CNOT10: variants seen among roughly 807,000 people sequenced by gnomAD.
CNOT10 encodes CCR4-NOT transcription complex, subunit 10.
A neutral mutation model predicts 94.6 loss-of-function variants in CNOT10; 30 were observed. That is an observed-to-expected ratio of 0.32 (90% CI 0.24 to 0.43). CNOT10 has a LOEUF of 0.43. Among genes scored for constraint, CNOT10 ranks in the 20% least tolerant of loss-of-function variants. The pLI, the probability that CNOT10 is intolerant of heterozygous loss-of-function variation, is 1.00. For synonymous variants in CNOT10, 289 were observed against 301.6 expected, an observed-to-expected ratio of 0.96 and a Z score of 0.43; for missense variants, 759 against 877.2, an observed-to-expected ratio of 0.87 and a Z score of 1.70.
intron 13 of CNOT10, among the ~76,000 whole-genome samples, chr3:32,759,173 AC>A (rs201794289): frequency 0.02 from 2,972 of 151,438 alleles, 49 homozygotes; most frequent in East Asian, 0.047. Flanking sequence ...ATACATATAT[AC>A]ATACATACAT....
chr3:32,740,374 G>A (rs1463916946), intron 13 of CNOT10, among the ~76,000 whole-genome samples: 2 of 152,100 alleles, frequency 1.3e-5, no homozygotes, highest in Non-Finnish European at 2.9e-5. Flanking sequence ...CAGGGGAATC[G>A]CTTCAACCGG....
chr3:32,762,243 C>A (rs1700482698), intron 14 of CNOT10, among the ~76,000 whole-genome samples: 1 of 148,586 alleles, frequency 6.7e-6, no homozygotes, highest in Admixed American at 6.7e-5. Flanking sequence ...ACGGGCGGAT[C>A]ACGAGATCAG....
At chr3:32,715,093 A>G (rs1698060043) in intron 5 of CNOT10, among the ~76,000 whole-genome samples, 1 of 152,188 alleles carries the variant, frequency 6.6e-6, no homozygotes, top group South Asian at 2.1e-4. Flanking sequence ...TTAATTTAGC[A>G]GATGCTTATG....
intron 4 of CNOT10, among the ~76,000 whole-genome samples, chr3:32,711,041 A>G (rs1406249546): frequency 6.6e-6 from 1 of 152,180 alleles, no homozygotes; most frequent in Non-Finnish European, 1.5e-5. Flanking sequence ...TTCATACAAC[A>G]TATGCTAATT....
chr3:32,739,640 G>A (rs1699366605), intron 13 of CNOT10, among the ~76,000 whole-genome samples: 1 of 151,920 alleles, frequency 6.6e-6, no homozygotes, highest in East Asian at 1.9e-4. Flanking sequence ...CAAAAAATTA[G>A]GCCAGGTGCA....
Position 32,727,722 on chromosome 3 carries a change from A to T in CNOT10, c.1067A>T (p.Glu356Val). 2 of 1,614,122 alleles carry T rather than the reference A, an allele frequency of 1.2e-6. No homozygotes were observed. Among genetic ancestry groups the T allele is most frequent in the Non-Finnish European group, 1.7e-6 (2 of 1,179,984 alleles). Residue 356 changes from glutamate (E) to valine (V), a missense_variant, in exon 10 of 19, where the codon GAG becomes GTG. By Grantham distance (121) the Glu-to-Val change is moderately radical. Around this residue, in one of 3 missense-constraint regions of CNOT10, gnomAD observed 682 missense variants for 799.4 expected, o/e 0.85. Transcript: ENST00000328834. Reference sequence around the variant, plus strand: ...ACGTTACTAACCAATAAGAGATATGAGTTGCTGTATAACTGTGGAATTCAG... The same window carrying T: ...ACGTTACTAACCAATAAGAGATATGTGTTGCTGTATAACTGTGGAATTCAG... ...MCTLLTNKRY[E>V]LLYNCGIQLL...
At chr3:32,767,978 G>A (rs1700723918) in intron 17 of CNOT10, among the ~76,000 whole-genome samples, 1 of 152,086 alleles carries the variant, frequency 6.6e-6, no homozygotes, top group Non-Finnish European at 1.5e-5. Flanking sequence ...GTCTGAAGGG[G>A]GTTTTGTTTT....
chr3:32,759,170 TATACATAC>T (rs10663523), intron 13 of CNOT10, among the ~76,000 whole-genome samples: 3 of 151,626 alleles, frequency 2.0e-5, no homozygotes, highest in African/African-American at 7.3e-5. Flanking sequence ...TCTATACATA[TATACATAC>T]ATACATACAT....
rs143844604 is a variant in CNOT10 at position 32,687,297 on chromosome 3, T to A, written c.22+1815T>A. On this transcript the variant is annotated intron_variant, in intron 1 of 18. Coordinates refer to ENST00000328834, the MANE Select transcript of CNOT10 (RefSeq NM_015442.3). The stretch of plus-strand genomic sequence containing the variant: ...TTTTCCTCACTGTCGCCCCCCGCTT[T>A]TTTTATGTCCTAAGACATTCATTGA... Among the ~76,000 whole-genome samples, 558 of 152,090 alleles carry A rather than the reference T, an allele frequency of 3.7e-3. 2 individuals carry two copies. Among genetic ancestry groups the A allele is most frequent in the African/African-American group, 0.013 (535 of 41,528 alleles).
intron 15 of CNOT10, chr3:32,764,245 G>A (rs1302577308): frequency 1.6e-5 from 8 of 515,466 alleles, no homozygotes; most frequent in African/African-American, 5.9e-5. Flanking sequence ...GCTGAGGCAG[G>A]AGAATCGCTT....
intron 14 of CNOT10, 124 bp from the exon 15 acceptor site, chr3:32,762,609 T>G (rs1700500139): frequency 9.9e-7 from 1 of 1,006,956 alleles, no homozygotes; most frequent in South Asian, 1.8e-5. Flanking sequence ...AGATTTCAAT[T>G]TAAGGACATG....
At chr3:32,737,795 A>T (rs67174162) in intron 13 of CNOT10, among the ~76,000 whole-genome samples, 74,533 of 151,680 alleles carry the variant, frequency 0.49, 19,471 homozygotes, top group Non-Finnish European at 0.57. Flanking sequence ...TAGCCTGAGC[A>T]ACTCTGTCTC....
chr3:32,721,429 C>CTTTTTTTTTTTTT (rs58351356), intron 8 of CNOT10, among the ~76,000 whole-genome samples: 1 of 72,596 alleles, frequency 1.4e-5, no homozygotes. Context: ...TTTCTTTCAT[C>CTTTTTTTTTTTTT]TTTTTTTTTT....
At chr3:32,691,058 C>T (rs1183586896) in intron 1 of CNOT10, among the ~76,000 whole-genome samples, 2 of 142,330 alleles carry the variant, frequency 1.4e-5, no homozygotes, top group African/African-American at 5.2e-5. Context: ...TGCAGTGGTA[C>T]GATCTTTGCT....
chr3:32,712,356 C>A (rs140118892), intron 4 of CNOT10, among the ~76,000 whole-genome samples: 1 of 152,214 alleles, frequency 6.6e-6, no homozygotes, highest in African/African-American at 2.4e-5. Flanking sequence ...AGAGACCACA[C>A]ATACCTAGTT....
chr3:32,689,766 C>T (rs753627434), intron 1 of CNOT10, among the ~76,000 whole-genome samples: 24 of 151,946 alleles, frequency 1.6e-4, no homozygotes, highest in Non-Finnish European at 2.5e-4. Flanking sequence ...CCAGCCTAGG[C>T]GACATAGCCA....
At chr3:32,694,199 C>T (rs1696960886) in intron 1 of CNOT10, among the ~76,000 whole-genome samples, 2 of 151,692 alleles carry the variant, frequency 1.3e-5, no homozygotes, top group South Asian at 4.2e-4. Context: ...AGAAACTTCT[C>T]CAGTAACAAA....
At chr3:32,702,766 G>C (rs1697412668) in intron 1 of CNOT10, among the ~76,000 whole-genome samples, 1 of 152,122 alleles carries the variant, frequency 6.6e-6, no homozygotes, top group Non-Finnish European at 1.5e-5. Context: ...AATATTCTCA[G>C]CTTGAATGTC....
intron 13 of CNOT10, chr3:32,753,927 C>T: frequency 9.3e-7 from 1 of 1,074,932 alleles, no homozygotes; most frequent in Non-Finnish European, 1.4e-6. Flanking sequence ...CTCACACACA[C>T]ACACACACAA....
Sources: gnomAD v4.1 joint callset for allele counts (sites outside exome capture counted in the v4.1 genomes callset) on GRCh38, gnomAD v4.1.1 for gene constraint, gnomAD v4.1.1 regional missense constraint, MANE v1.5 for transcripts, NCBI Gene and HGNC (gene_info 2026-07-23, HGNC 2026-07-21) for gene names.